The following C5orf24 variants were observed in gnomAD, a reference collection of about 807,000 sequenced individuals.
C5orf24 encodes the protein chromosome 5 open reading frame 24, also known as UPF0461 protein C5orf24.
A neutral mutation model predicts 9.8 loss-of-function variants in C5orf24; 4 were observed. The observed-to-expected ratio is 0.41, with a 90% CI of 0.20 to 0.93. C5orf24 has a LOEUF of 0.93. C5orf24 is among the 40% of genes least tolerant of loss of function. C5orf24 has a pLI of 0.33. For synonymous variants in C5orf24, 73 were observed against 81.3 expected (o/e 0.90, Z 0.55); for missense variants, 170 against 236.9 (o/e 0.72, Z 1.85).
At chr5:134,835,438 T>A in the C5orf24 span, among the ~76,000 whole-genome samples, 1 of 151,982 alleles carries the variant, frequency 6.6e-6, no homozygotes, top group Non-Finnish European at 1.5e-5. Flanking sequence ...TCACTTGAGG[T>A]CAGGAGTGTC....
At position 134,850,937 on chromosome 5, in the gene C5orf24, T is replaced by TATATATACACACAC. The variant is rs762710710; in HGVS notation, c.-3-3960_-3-3959insTATATACACACACA. ...GAATGTTCATATATATATATATATA[T>TATATATACACACAC]ACACACACACACACACACTACACAC... On this transcript the variant is annotated intron_variant, in intron 1 of 1. Coordinates refer to ENST00000394976, the MANE Select transcript of C5orf24 (RefSeq NM_001135586.1). Among the ~76,000 whole-genome samples the TATATATACACACAC allele has an allele frequency of 1.1e-3, 166 of 147,050 alleles. 1 individual carries two copies. Among genetic ancestry groups the TATATATACACACAC allele is most frequent in the African/African-American group, 3.7e-3 (149 of 39,890 alleles).
chr5:134,839,453 C>G, the C5orf24 span, among the ~76,000 whole-genome samples: 1 of 151,958 alleles, frequency 6.6e-6, no homozygotes, highest in Non-Finnish European at 1.5e-5. Context: ...AAATCCGTAT[C>G]TATCTTCATT....
At position 134,849,540 on chromosome 5, in the gene C5orf24, G is replaced by A. The variant is rs139308582; in HGVS notation, c.-4+3328G>A. Among the ~76,000 whole-genome samples, 461 of 147,584 alleles carry A rather than the reference G, an allele frequency of 3.1e-3. 2 individuals are homozygous for A. Among genetic ancestry groups the A allele is most frequent in the African/African-American group, 0.011 (443 of 40,230 alleles). Reference sequence around the variant, plus strand: ...TCATATTAAATTCCTTGTCCAGCTTGTTTATTAATTATTAAGTAGAATACT... The same window carrying A: ...TCATATTAAATTCCTTGTCCAGCTTATTTATTAATTATTAAGTAGAATACT... On this transcript the variant is annotated intron_variant, in intron 1 of 1. Transcript: ENST00000394976.
intron 1 of C5orf24, among the ~76,000 whole-genome samples, chr5:134,850,432 C>A (rs1189377923): frequency 6.6e-6 from 1 of 151,600 alleles, no homozygotes; most frequent in Non-Finnish European, 1.5e-5. Context: ...CAGGCGTGAA[C>A]CACCATGGCT....
At chr5:134,836,529 G>T in the C5orf24 span, among the ~76,000 whole-genome samples, 17 of 151,420 alleles carry the variant, frequency 1.1e-4, no homozygotes, top group African/African-American at 3.9e-4. Context: ...TTTGTGTAAG[G>T]TTATTGTTTT....
At chr5:134,852,670 T>C (rs1362694761) in intron 1 of C5orf24, among the ~76,000 whole-genome samples, 2 of 152,216 alleles carry the variant, frequency 1.3e-5, no homozygotes, top group Non-Finnish European at 2.9e-5. Flanking sequence ...TGTGACTCTT[T>C]ATAAATCCGA....
Position 134,856,918 on chromosome 5 carries a change from T to C in C5orf24, c.*1451T>C, listed in dbSNP as rs1334738472. 32 of 1,001,448 alleles carry C rather than the reference T, an allele frequency of 3.2e-5. No homozygotes were observed. The highest frequency in any genetic ancestry group is 3.5e-5 in the African/African-American group (2 of 57,258). The allele number at this position is 1,001,448 out of a possible 1,614,324, so 62.0% of individuals were successfully genotyped here. A position where few individuals can be genotyped will look rare whatever the true frequency, so the allele number is the denominator to read the frequency against. On this transcript the variant is annotated 3_prime_UTR_variant, in exon 2 of 2. Transcript: ENST00000394976. ...TGAAACATGTAAAAAATATGTTGGT[T>C]AGTTTAATTAAAAATCTTATTGTGG...
At chr5:134,838,713 G>A in the C5orf24 span, among the ~76,000 whole-genome samples, 7 of 151,980 alleles carry the variant, frequency 4.6e-5, no homozygotes, top group East Asian at 1.4e-3. Context: ...GAGAGGCTCA[G>A]GTGAGGGGAT....
chr5:134,854,072 T>TC (rs1284225921), intron 1 of C5orf24, among the ~76,000 whole-genome samples: 2 of 152,200 alleles, frequency 1.3e-5, no homozygotes, highest in Non-Finnish European at 2.9e-5. Flanking sequence ...AGAGCAAGAC[T>TC]CCATCTCAAA....
At position 134,857,128 on chromosome 5, in the gene C5orf24, A is replaced by C; in HGVS notation, c.*1661A>C. On this transcript the variant is annotated 3_prime_UTR_variant, in exon 2 of 2. Coordinates refer to ENST00000394976, the MANE Select transcript of C5orf24 (RefSeq NM_001135586.1). ...CATTTTATTTATTGAGTTTGTTCTA[A>C]ATAAAATATTATAAACTTCAGACTT... 1.6e-6 allele frequency: 2 copies of C among 1,277,506 alleles called. No homozygotes were observed. Among genetic ancestry groups the C allele is most frequent in the Non-Finnish European group, 2.0e-6 (2 of 999,132 alleles). The allele number at this position is 1,277,506 out of a possible 1,614,324, so 79.1% of individuals were successfully genotyped here. A position where few individuals can be genotyped will look rare whatever the true frequency, so the allele number is the denominator to read the frequency against.
At chr5:134,848,393 ACG>A (rs1157004392) in intron 1 of C5orf24, among the ~76,000 whole-genome samples, 2 of 141,706 alleles carry the variant, frequency 1.4e-5, no homozygotes, top group South Asian at 2.3e-4. Flanking sequence ...GTGGTGGCTC[ACG>A]CCTGTAATCC....
At chr5:134,853,421 C>G (rs1580843794) in intron 1 of C5orf24, among the ~76,000 whole-genome samples, 1 of 143,432 alleles carries the variant, frequency 7.0e-6, no homozygotes, top group African/African-American at 2.6e-5. Flanking sequence ...CTATTTAGAG[C>G]TAGTTTGTTG....
intron 1 of C5orf24, among the ~76,000 whole-genome samples, chr5:134,847,915 C>G (rs897156737): frequency 4.3e-4 from 66 of 152,130 alleles, no homozygotes; most frequent in African/African-American, 1.5e-3. Flanking sequence ...CCAGGCCAGG[C>G]TACTCTGGAA....
chr5:134,835,203 TAAAAA>T, the C5orf24 span, among the ~76,000 whole-genome samples: 1 of 150,792 alleles, frequency 6.6e-6, no homozygotes. Context: ...AAGACTGTCT[TAAAAA>T]AAAGTATATC....
upstream of C5orf24, among the ~76,000 whole-genome samples, chr5:134,841,511 C>T (rs1283951218): frequency 1.3e-5 from 2 of 151,978 alleles, no homozygotes; most frequent in African/African-American, 2.4e-5. Context: ...CGCTTGAACC[C>T]GGGAGGTGGA....
At chr5:134,844,958 G>A (rs192904025), upstream of C5orf24, among the ~76,000 whole-genome samples, 4 of 152,168 alleles carry the variant, frequency 2.6e-5, no homozygotes, top group Non-Finnish European at 4.4e-5. Context: ...GGCTTGTTTC[G>A]AACTCCTGAC....
upstream of C5orf24, among the ~76,000 whole-genome samples, chr5:134,841,696 A>G (rs1338323693): frequency 6.6e-6 from 1 of 152,226 alleles, no homozygotes; most frequent in Non-Finnish European, 1.5e-5. Flanking sequence ...GACTGATGGC[A>G]ACTCTAACAT....
At position 134,859,014 on chromosome 5, in the gene C5orf24, G is replaced by A. The variant is rs1267753945; in HGVS notation, c.*3547G>A. 1 of 166,542 alleles carries A rather than the reference G, an allele frequency of 6.0e-6. No homozygotes were observed. The highest frequency in any genetic ancestry group is 1.5e-5 in the Non-Finnish European group (1 of 67,970). 10.3% of individuals were successfully genotyped at this position (166,542 alleles called of 1,614,324 possible). A position where few individuals can be genotyped will look rare whatever the true frequency, so the allele number is the denominator to read the frequency against. ...TAAGAATAGAGTTTCTTTGAGTTGAGGAGAAAAAAATATATATGTGGGTCC... is the reference window on the plus strand; with the variant it reads ...TAAGAATAGAGTTTCTTTGAGTTGAAGAGAAAAAAATATATATGTGGGTCC... On this transcript the variant is annotated 3_prime_UTR_variant, in exon 2 of 2. Transcript: ENST00000394976.
chr5:134,856,014 G>A lies in C5orf24; in HGVS notation c.*547G>A. The A allele has an allele frequency of 1.0e-6, 1 of 1,002,510 alleles. No individual in the cohort carries two copies. Among genetic ancestry groups the A allele is most frequent in the Non-Finnish European group, 1.2e-6 (1 of 831,778 alleles). The allele number at this position is 1,002,510 out of a possible 1,614,324, so 62.1% of individuals were successfully genotyped here. A position where few individuals can be genotyped will look rare whatever the true frequency, so the allele number is the denominator to read the frequency against. On this transcript the variant is annotated 3_prime_UTR_variant, in exon 2 of 2. Transcript: ENST00000394976. ...AAATGTTAAAAAACTTATTTTTAAT[G>A]TTTTAGGTTTAAGCAGCTTGTAATT...
Sources: allele counts gnomAD v4.1 joint callset (sites outside exome capture counted in the v4.1 genomes callset), GRCh38; gene constraint gnomAD v4.1.1; transcripts MANE v1.5; gene names NCBI Gene and HGNC (gene_info 2026-07-23, HGNC 2026-07-21).